Variants in LRBA observed in about 807,000 individuals in gnomAD.
LRBA encodes lipopolysaccharide-responsive and beige-like anchor protein.
LRBA carries 176 observed loss-of-function variants against 330.0 expected under a neutral mutation model. The observed-to-expected ratio is 0.53, with a 90% confidence interval of 0.47 to 0.60. LRBA has a LOEUF of 0.60. LRBA is among the 20% of genes least tolerant of loss of function. The probability of loss-of-function intolerance (pLI) is 0.00; values close to 1 mark genes in which losing one functional copy is unlikely to be tolerated. For synonymous variants in LRBA, 1,230 were observed against 1,193.0 expected, an observed-to-expected ratio of 1.03 and a Z score of -0.64; for missense variants, 3,259 against 3,444.8, an observed-to-expected ratio of 0.95 and a Z score of 1.35.
At chr4:150,427,456 GAT>G (rs1342067585) in intron 46 of LRBA, among the ~76,000 whole-genome samples, 2 of 152,032 alleles carry the variant, frequency 1.3e-5, no homozygotes, top group African/African-American at 2.4e-5. Flanking sequence ...GGGCTAAAGA[GAT>G]GTGGCTAAAT....
chr4:150,736,610 T>C (rs114688768), intron 35 of LRBA, among the ~76,000 whole-genome samples: 21 of 151,974 alleles, frequency 1.4e-4, no homozygotes, highest in African/African-American at 4.3e-4. Flanking sequence ...TAGGACATGG[T>C]AAAAGAATCT....
intron 31 of LRBA, among the ~76,000 whole-genome samples, chr4:150,810,814 C>T (rs956119573): frequency 2.6e-5 from 4 of 152,106 alleles, no homozygotes; most frequent in Non-Finnish European, 4.4e-5. Context: ...GTTGCCCAGG[C>T]GGGTCTCGAA....
At chr4:150,805,932 A>G (rs1205643538) in intron 33 of LRBA, among the ~76,000 whole-genome samples, 1 of 152,102 alleles carries the variant, frequency 6.6e-6, no homozygotes, top group Non-Finnish European at 1.5e-5. Flanking sequence ...GTGGCAATAC[A>G]TTGTTGTTCA....
chr4:150,320,057 T>C (rs1265914904), intron 50 of LRBA, among the ~76,000 whole-genome samples: 3 of 152,288 alleles, frequency 2.0e-5, no homozygotes, highest in African/African-American at 7.2e-5. Flanking sequence ...AGATTTTCCT[T>C]CTTCTTAAAA....
At chr4:150,940,113 T>C (rs979877555) in intron 2 of LRBA, among the ~76,000 whole-genome samples, 1 of 151,952 alleles carries the variant, frequency 6.6e-6, no homozygotes, top group Admixed American at 6.6e-5. Context: ...ACATCAAAGT[T>C]AGCAAAAGAG....
At chr4:150,506,078 A>G (rs1761032991) in intron 40 of LRBA, among the ~76,000 whole-genome samples, 3 of 152,344 alleles carry the variant, frequency 2.0e-5, no homozygotes, top group Admixed American at 2.0e-4. Context: ...AATTGAGGCA[A>G]TAATTAATAG....
chr4:150,627,710 T>C (rs1472166849), intron 37 of LRBA, among the ~76,000 whole-genome samples: 2 of 152,052 alleles, frequency 1.3e-5, no homozygotes, highest in South Asian at 2.1e-4. Flanking sequence ...TTTTCAAATA[T>C]TACAGTTCTT....
At chr4:150,593,980 T>A (rs976059533) in intron 38 of LRBA, among the ~76,000 whole-genome samples, 2 of 152,146 alleles carry the variant, frequency 1.3e-5, no homozygotes, top group African/African-American at 4.8e-5. Context: ...TCATGCTGCC[T>A]ATATTAAAAC....
At position 150,276,736 on chromosome 4, in the gene LRBA, C is replaced by T. The variant is rs181836007; in HGVS notation, c.8468+1117G>A. Among the ~76,000 whole-genome samples, 3 of 152,308 alleles carry T rather than the reference C, an allele frequency of 2.0e-5. No individual in the cohort carries two copies. In the East Asian group the frequency reaches 5.8e-4, roughly 29 times the overall value. On this transcript the variant is annotated intron_variant, in intron 56 of 56. Coordinates refer to ENST00000651943, the MANE Select transcript of LRBA (RefSeq NM_001364905.1). ...AAAACCACAATGAGACACCATCTCA[C>T]ACCCTTCAGAATGGCAATCATTAAA...
chr4:150,308,218 A>G (rs928828092), intron 52 of LRBA, among the ~76,000 whole-genome samples: 5 of 152,220 alleles, frequency 3.3e-5, no homozygotes, highest in Admixed American at 2.6e-4. Flanking sequence ...CATGAGCTTT[A>G]TAACACAACT....
intron 40 of LRBA, among the ~76,000 whole-genome samples, chr4:150,504,753 T>C (rs1760815759): frequency 6.6e-6 from 1 of 152,152 alleles, no homozygotes; most frequent in Admixed American, 6.5e-5. Context: ...ACATTAACTT[T>C]GAATGTAAAT....
intron 40 of LRBA, chr4:150,579,798 CT>C (rs1310955083): frequency 6.7e-6 from 3 of 446,618 alleles, no homozygotes; most frequent in Non-Finnish European, 1.4e-5. Context: ...TCCGCCACCC[CT>C]GAGGCTGTTT....
chr4:150,538,665 G>A (rs1764955606), intron 40 of LRBA, among the ~76,000 whole-genome samples: 1 of 151,814 alleles, frequency 6.6e-6, no homozygotes, highest in South Asian at 2.1e-4. Context: ...GGTAAAAGGG[G>A]TGAAAAACTA....
chr4:150,542,350 T>G (rs1428964494), intron 40 of LRBA, among the ~76,000 whole-genome samples: 1 of 152,230 alleles, frequency 6.6e-6, no homozygotes, highest in African/African-American at 2.4e-5. Flanking sequence ...GAAATAATAA[T>G]TGTAAGAATT....
chr4:150,839,092 A>C lies in LRBA; in HGVS notation c.4569+5008T>G, dbSNP rs544137594. 4.6e-5 allele frequency among the ~76,000 whole-genome samples: 7 copies of C among 152,294 alleles called. No homozygotes were observed. In the South Asian group the frequency reaches 1.0e-3, roughly 23 times the overall value. ...AGTGGGCGAAGGAGATGAACAGACA[A>C]TTCTCAAAAGAAGATATTTATGCAG... On this transcript the variant is annotated intron_variant, in intron 28 of 56. Transcript: ENST00000651943.
At chr4:150,651,967 C>T (rs996906622) in intron 37 of LRBA, among the ~76,000 whole-genome samples, 5 of 152,054 alleles carry the variant, frequency 3.3e-5, no homozygotes, top group East Asian at 3.9e-4. Flanking sequence ...CTTCAGCCTC[C>T]GAAGTAGCTG....
chr4:150,837,782 C>A (rs1298830816), intron 28 of LRBA, among the ~76,000 whole-genome samples: 1 of 151,874 alleles, frequency 6.6e-6, no homozygotes, highest in Non-Finnish European at 1.5e-5. Flanking sequence ...GAGCATTTAG[C>A]CCATTTACAT....
At chr4:150,339,214 T>A (rs372863950) in intron 48 of LRBA, among the ~76,000 whole-genome samples, 2 of 152,258 alleles carry the variant, frequency 1.3e-5, no homozygotes, top group South Asian at 4.1e-4. Flanking sequence ...GTGGATTAAA[T>A]AACATATATA....
chr4:150,775,698 A>G (rs1737206552), intron 34 of LRBA, among the ~76,000 whole-genome samples: 1 of 151,688 alleles, frequency 6.6e-6, no homozygotes, highest in Admixed American at 6.6e-5. Flanking sequence ...ACTTTTTCCA[A>G]TGCGTTTTAT....
Sources: gnomAD v4.1 joint callset for allele counts (sites outside exome capture counted in the v4.1 genomes callset) on GRCh38, gnomAD v4.1.1 for gene constraint, MANE v1.5 for transcripts, NCBI Gene and HGNC (gene_info 2026-07-23, HGNC 2026-07-21) for gene names.